Variants in PTPRD observed in about 807,000 individuals in gnomAD.
PTPRD encodes receptor-type tyrosine-protein phosphatase delta.
PTPRD carries 34 observed loss-of-function variants against 214.5 expected under a neutral mutation model. That is an observed-to-expected ratio of 0.16 (90% CI 0.12 to 0.21). PTPRD has a LOEUF of 0.21. Among genes scored for constraint, PTPRD ranks in the 10% least tolerant of loss-of-function variants. The pLI, the probability that PTPRD is intolerant of heterozygous loss-of-function variation, is 1.00. For missense variants in PTPRD, 2,545 were observed against 2,398.7 expected, an observed-to-expected ratio of 1.06 and a Z score of -1.27; for synonymous variants, 1,128 against 845.7, an observed-to-expected ratio of 1.33 and a Z score of -5.79.
intron 11 of PTPRD, among the ~76,000 whole-genome samples, chr9:8,980,370 AAGT>A (rs1216898067): frequency 7.3e-5 from 11 of 150,054 alleles, no homozygotes; most frequent in Admixed American, 6.0e-4. Context: ...TTAAAAAAAT[AAGT>A]AGATTTTAGC....
intron 5 of PTPRD, among the ~76,000 whole-genome samples, chr9:9,883,003 T>C (rs1230017193): frequency 1.3e-5 from 2 of 152,142 alleles, no homozygotes; most frequent in Admixed American, 6.6e-5. Flanking sequence ...TCTGCCATGA[T>C]TGTAAGCTAC....
At chr9:10,152,403 T>G (rs2154279001) in intron 3 of PTPRD, among the ~76,000 whole-genome samples, 1 of 152,374 alleles carries the variant, frequency 6.6e-6, no homozygotes, top group Middle Eastern at 3.4e-3. Context: ...TCATATATTT[T>G]GATTACAAAT....
At chr9:10,196,067 C>T (rs573803320) in intron 3 of PTPRD, among the ~76,000 whole-genome samples, 37 of 152,240 alleles carry the variant, frequency 2.4e-4, no homozygotes, top group African/African-American at 8.9e-4. Context: ...TATTTCATAA[C>T]TAGATTGTGG....
chr9:8,816,620 T>C (rs991488657), intron 11 of PTPRD, among the ~76,000 whole-genome samples: 1 of 152,182 alleles, frequency 6.6e-6, no homozygotes, highest in South Asian at 2.1e-4. Context: ...AGCAAACTCA[T>C]ATAGAAAGTA....
At chr9:10,067,252 C>A (rs996315363) in intron 3 of PTPRD, among the ~76,000 whole-genome samples, 1 of 151,926 alleles carries the variant, frequency 6.6e-6, no homozygotes, top group South Asian at 2.1e-4. Flanking sequence ...TACTTCAGTT[C>A]GGCAAATGTA....
chr9:8,949,406 C>T (rs2099090010), intron 11 of PTPRD, among the ~76,000 whole-genome samples: 2 of 151,980 alleles, frequency 1.3e-5, no homozygotes, highest in African/African-American at 4.8e-5. Context: ...GTCATCTTTA[C>T]TGCTTGGTTC....
chr9:9,666,312 G>T (rs1013877654), intron 7 of PTPRD, among the ~76,000 whole-genome samples: 1 of 151,910 alleles, frequency 6.6e-6, no homozygotes, highest in African/African-American at 2.4e-5. Context: ...GACATGTAAA[G>T]ATGTCTATGA....
At chr9:9,986,524 G>A (rs1175967198) in intron 4 of PTPRD, among the ~76,000 whole-genome samples, 2 of 152,058 alleles carry the variant, frequency 1.3e-5, no homozygotes, top group Non-Finnish European at 2.9e-5. Flanking sequence ...AAGCCTCAAA[G>A]CATAATCTCT....
intron 10 of PTPRD, among the ~76,000 whole-genome samples, chr9:9,043,486 A>C (rs1324325984): frequency 6.6e-6 from 1 of 152,168 alleles, no homozygotes; most frequent in Non-Finnish European, 1.5e-5. Flanking sequence ...CAGTTCTGCT[A>C]AGGGAAAGAC....
At chr9:9,627,698 T>A (rs2095467505) in intron 7 of PTPRD, among the ~76,000 whole-genome samples, 1 of 152,136 alleles carries the variant, frequency 6.6e-6, no homozygotes, top group Non-Finnish European at 1.5e-5. Flanking sequence ...AGAGAGAGCT[T>A]TCCAAGAAAG....
chr9:9,847,579 G>T (rs1384972786), intron 5 of PTPRD, among the ~76,000 whole-genome samples: 2 of 151,986 alleles, frequency 1.3e-5, no homozygotes, highest in African/African-American at 2.4e-5. Flanking sequence ...TCATATTCTT[G>T]CCACTTTACA....
intron 11 of PTPRD, among the ~76,000 whole-genome samples, chr9:8,772,896 T>C (rs116309847): frequency 0.011 from 1,645 of 152,298 alleles, 29 homozygotes; most frequent in African/African-American, 0.036. Flanking sequence ...TCAGTTAAGA[T>C]TCTTGGAAAC....
intron 8 of PTPRD, among the ~76,000 whole-genome samples, chr9:9,532,261 T>A (rs1424019206): frequency 2.6e-5 from 4 of 152,006 alleles, no homozygotes; most frequent in African/African-American, 9.7e-5. Context: ...CTGCAGAGAT[T>A]TATATGAGGG....
At chr9:10,582,974 G>C (rs973980726) in intron 2 of PTPRD, among the ~76,000 whole-genome samples, 4 of 152,326 alleles carry the variant, frequency 2.6e-5, no homozygotes, top group African/African-American at 9.6e-5. Context: ...GTATTTGATA[G>C]AAGAAAGAGC....
chr9:9,778,124 G>A (rs1319895442), intron 5 of PTPRD, among the ~76,000 whole-genome samples: 2 of 152,212 alleles, frequency 1.3e-5, no homozygotes, highest in Non-Finnish European at 2.9e-5. Flanking sequence ...AATATGGGCA[G>A]ATGTTTGGAA....
At chr9:9,780,862 T>C (rs2098837548) in intron 5 of PTPRD, among the ~76,000 whole-genome samples, 1 of 152,198 alleles carries the variant, frequency 6.6e-6, no homozygotes, top group African/African-American at 2.4e-5. Context: ...TAAAATGATA[T>C]CAACTATCAA....
chr9:9,695,359 G>T (rs1044267419), intron 7 of PTPRD, among the ~76,000 whole-genome samples: 1 of 152,070 alleles, frequency 6.6e-6, no homozygotes. Context: ...TTTTTAAGCA[G>T]AAGGAGAGAA....
chr9:8,340,076 C>CA (rs1331298403), intron 42 of PTPRD, among the ~76,000 whole-genome samples: 1 of 152,124 alleles, frequency 6.6e-6, no homozygotes, highest in Non-Finnish European at 1.5e-5. Context: ...CGACATAAGT[C>CA]AAACGGGGAC....
chr9:10,383,609 T>G (rs1229677953), intron 2 of PTPRD, among the ~76,000 whole-genome samples: 17 of 151,850 alleles, frequency 1.1e-4, no homozygotes, highest in Admixed American at 1.1e-3. Flanking sequence ...GGATGACACC[T>G]TATCAGATCA....
Sources: allele counts gnomAD v4.1 joint callset (sites outside exome capture counted in the v4.1 genomes callset), GRCh38; gene constraint gnomAD v4.1.1; transcripts MANE v1.5; gene names NCBI Gene and HGNC (gene_info 2026-07-23, HGNC 2026-07-21).